Variants in ADAMTSL1 observed in about 807,000 individuals in gnomAD.
The protein encoded by ADAMTSL1 is ADAMTS like 1.
In ADAMTSL1, 126 loss-of-function variants were observed where a neutral mutation model predicts 201.8. The ratio of observed to expected loss-of-function variants is 0.62; its 90% CI spans 0.54 to 0.72. The LOEUF (loss-of-function observed/expected upper bound fraction) is 0.72. ADAMTSL1 is among the 30% of genes least tolerant of loss of function. The pLI is 0.00. For synonymous variants in ADAMTSL1, 1,121 were observed against 903.4 expected (o/e 1.24, Z -4.32); for missense variants, 2,679 against 2,277.8 (o/e 1.18, Z -3.59).
intron 4 of ADAMTSL1, among the ~76,000 whole-genome samples, chr9:18,584,841 G>A (rs1281232818): frequency 6.6e-6 from 1 of 152,154 alleles, no homozygotes; most frequent in Non-Finnish European, 1.5e-5. Context: ...GATGTAGCAA[G>A]AAGGTCCTCA....
In ADAMTSL1 at chr9:18,604,954, C is replaced by T. The variant is rs552395228; in HGVS notation, c.475-17289C>T. On this transcript the variant is annotated intron_variant, in intron 4 of 28. Coordinates refer to ENST00000380548, the MANE Select transcript of ADAMTSL1 (RefSeq NM_001040272.6). ...GCTGCTGCAACTTTTGAGTCTTTTA[C>T]CCTTTAACAGCTAGGACAATACCAT... Among the ~76,000 whole-genome samples, 13 of 152,250 alleles carry T rather than the reference C, an allele frequency of 8.5e-5. No individual in the cohort carries two copies. In the East Asian group the frequency reaches 2.5e-3, roughly 29 times the overall value.
chr9:18,908,598 C>A lies in ADAMTSL1; in HGVS notation c.*50C>A. The A allele has an allele frequency of 1.4e-6, 2 of 1,414,870 alleles. No homozygotes were observed. The highest frequency in any genetic ancestry group is 1.3e-5 in the South Asian group (1 of 78,644). 87.6% of individuals were successfully genotyped at this position (1,414,870 alleles called of 1,614,324 possible). On this transcript the variant is annotated 3_prime_UTR_variant, in exon 29 of 29. Transcript: ENST00000380548. The stretch of plus-strand genomic sequence containing the variant: ...ACCCTGGCCACACGAAGGACTCACG[C>A]AACCACCTCGGACAGAACCTAAGCT...
At chr9:18,596,258 T>G (rs1417125123) in intron 4 of ADAMTSL1, among the ~76,000 whole-genome samples, 1 of 152,206 alleles carries the variant, frequency 6.6e-6, no homozygotes, top group Non-Finnish European at 1.5e-5. Flanking sequence ...AAGCTTATAA[T>G]TGTGTAGTGA....
chr9:18,557,817 C>T (rs930397105), intron 3 of ADAMTSL1, among the ~76,000 whole-genome samples: 1 of 152,048 alleles, frequency 6.6e-6, no homozygotes, highest in Non-Finnish European at 1.5e-5. Flanking sequence ...TATTTGCAAT[C>T]TATCAATCTC....
intron 22 of ADAMTSL1, among the ~76,000 whole-genome samples, chr9:18,828,175 A>T (rs1457877774): frequency 6.6e-6 from 1 of 152,196 alleles, no homozygotes; most frequent in Non-Finnish European, 1.5e-5. Flanking sequence ...TCACCTGGAC[A>T]CTGGTAAAGT....
At chr9:18,364,368 AACTCAGGC>A (rs1432576394) in intron 2 of ADAMTSL1, among the ~76,000 whole-genome samples, 26 of 152,132 alleles carry the variant, frequency 1.7e-4, no homozygotes, top group Non-Finnish European at 3.4e-4. Context: ...ATCCCTAAAA[AACTCAGGC>A]GACAATTTTG....
intron 23 of ADAMTSL1, among the ~76,000 whole-genome samples, chr9:18,867,573 C>A (rs190585729): frequency 1.3e-5 from 2 of 152,280 alleles, no homozygotes; most frequent in East Asian, 1.9e-4. Context: ...TTCACCTATG[C>A]CCCACTCCAT....
At chr9:18,875,607 AG>A (rs1382871534) in intron 23 of ADAMTSL1, among the ~76,000 whole-genome samples, 2 of 152,156 alleles carry the variant, frequency 1.3e-5, no homozygotes, top group African/African-American at 4.8e-5. Flanking sequence ...CTGTGGTCTG[AG>A]AGAGTACTTG....
intron 1 of ADAMTSL1, among the ~76,000 whole-genome samples, chr9:17,959,290 GTCT>G (rs1371545511): frequency 6.6e-6 from 1 of 151,860 alleles, no homozygotes; most frequent in Non-Finnish European, 1.5e-5. Flanking sequence ...CTTTTTTCTC[GTCT>G]TCTTTTGCAT....
At chr9:18,328,863 T>G (rs1431663964) in intron 2 of ADAMTSL1, among the ~76,000 whole-genome samples, 1 of 152,198 alleles carries the variant, frequency 6.6e-6, no homozygotes, top group Admixed American at 6.5e-5. Context: ...AATGACAGGA[T>G]GTCCCCAAAC....
chr9:18,457,485 C>T (rs572591028), intron 2 of ADAMTSL1, among the ~76,000 whole-genome samples: 12 of 152,202 alleles, frequency 7.9e-5, no homozygotes, highest in South Asian at 2.1e-4. Flanking sequence ...ACAATGCATG[C>T]GCCACCATGC....
At chr9:18,571,789 T>G (rs923782092) in intron 3 of ADAMTSL1, among the ~76,000 whole-genome samples, 6 of 152,284 alleles carry the variant, frequency 3.9e-5, no homozygotes, top group East Asian at 3.9e-4. Flanking sequence ...ATTTGTAAAT[T>G]AGGCAAGTGG....
intron 7 of ADAMTSL1, among the ~76,000 whole-genome samples, chr9:18,644,654 T>G (rs1193904401): frequency 2.0e-5 from 3 of 151,890 alleles, no homozygotes; most frequent in South Asian, 4.2e-4. Flanking sequence ...TTTTTGTCCT[T>G]GCGATAGTTT....
intron 1 of ADAMTSL1, among the ~76,000 whole-genome samples, chr9:17,956,290 G>T (rs945453449): frequency 2.0e-5 from 3 of 152,226 alleles, no homozygotes; most frequent in Non-Finnish European, 4.4e-5. Context: ...TACATGCAAA[G>T]AATAGTTTGA....
intron 2 of ADAMTSL1, among the ~76,000 whole-genome samples, chr9:18,514,872 A>G (rs1434739349): frequency 2.6e-5 from 4 of 152,222 alleles, no homozygotes; most frequent in Non-Finnish European, 4.4e-5. Context: ...TCCTGATATT[A>G]GAGGAAAAGC....
intron 13 of ADAMTSL1, 176 bp downstream of exon 13, chr9:18,684,976 G>T (rs1240316600): frequency 7.2e-7 from 1 of 1,381,814 alleles, no homozygotes; most frequent in African/African-American, 1.5e-5. Context: ...CAAAGCTGAT[G>T]ATTGCATTGT....
chr9:18,631,002 G>T (rs1826730765), intron 5 of ADAMTSL1, among the ~76,000 whole-genome samples: 1 of 152,108 alleles, frequency 6.6e-6, no homozygotes, highest in Admixed American at 6.6e-5. Flanking sequence ...TGGCTGTTTT[G>T]ATGTTAGCAC....
intron 20 of ADAMTSL1, among the ~76,000 whole-genome samples, chr9:18,800,049 A>G (rs1035959051): frequency 6.6e-6 from 1 of 152,102 alleles, no homozygotes; most frequent in Non-Finnish European, 1.5e-5. Context: ...TACAAAGGCT[A>G]ACAAAGGAAG....
intron 2 of ADAMTSL1, among the ~76,000 whole-genome samples, chr9:18,305,179 T>C (rs917507331): frequency 6.6e-6 from 1 of 152,220 alleles, no homozygotes; most frequent in Admixed American, 6.5e-5. Flanking sequence ...CTGGCCCAGA[T>C]ACTATGCTTT....
Sources: gnomAD v4.1 joint callset for allele counts (sites outside exome capture counted in the v4.1 genomes callset) on GRCh38, gnomAD v4.1.1 for gene constraint, MANE v1.5 for transcripts, NCBI Gene and HGNC (gene_info 2026-07-23, HGNC 2026-07-21) for gene names.